ENTPD3: variants seen among roughly 807,000 people sequenced by gnomAD.
The protein encoded by ENTPD3 is ectonucleoside triphosphate diphosphohydrolase 3, also known as CD39 antigen-like 3.
Under a neutral mutation model 51.2 loss-of-function variants are expected in ENTPD3, and 60 were observed. That is an observed-to-expected ratio of 1.17 (90% confidence interval 0.95 to 1.45). ENTPD3 has a LOEUF of 1.45. ENTPD3 is among the 40% of genes most tolerant of loss of function. ENTPD3 has a pLI of 0.00. For synonymous variants in ENTPD3, 221 were observed against 238.4 expected, an observed-to-expected ratio of 0.93 and a Z score of 0.67; for missense variants, 593 against 641.1, an observed-to-expected ratio of 0.93 and a Z score of 0.81.
At chr3:40,422,476 T>A (rs1367715967) in intron 7 of ENTPD3, among the ~76,000 whole-genome samples, 1 of 151,338 alleles carries the variant, frequency 6.6e-6, no homozygotes, top group Non-Finnish European at 1.5e-5. Flanking sequence ...CATTTAGCAT[T>A]AGGTATATCT....
intron 7 of ENTPD3, among the ~76,000 whole-genome samples, chr3:40,417,260 C>T: frequency 6.6e-6 from 1 of 152,144 alleles, no homozygotes; most frequent in Non-Finnish European, 1.5e-5. Context: ...AAAGAAATAC[C>T]TGAAACTGGG....
rs558596432 is a variant in ENTPD3, at chr3:40,402,212, G to C, written c.286+1201G>C. ...TGGCTCACTGCAATCTCTGCCTCCT[G>C]GGTTCAAGCGATTCTCCTGCCTCCA... On this transcript the variant is annotated intron_variant, in intron 4 of 10. Coordinates refer to ENST00000301825, the MANE Select transcript of ENTPD3 (RefSeq NM_001248.4). Among the ~76,000 whole-genome samples, 250 of 140,964 alleles carry C rather than the reference G, an allele frequency of 1.8e-3. 1 individual carries two copies. The highest frequency in any genetic ancestry group is 6.3e-3 in the African/African-American group (241 of 38,308). The allele number at this position is 140,964 out of a possible 152,430, so 92.5% of individuals were successfully genotyped here. A position where few individuals can be genotyped will look rare whatever the true frequency, so the allele number is the denominator to read the frequency against.
In ENTPD3 at chr3:40,427,294, G is replaced by C; in HGVS notation, c.1376G>C (p.Trp459Ser). 2 of 1,614,018 alleles carry C rather than the reference G, an allele frequency of 1.2e-6. No homozygotes were observed. The highest frequency in any genetic ancestry group is 1.7e-6 in the Non-Finnish European group (2 of 1,179,954). ...EKEVGNSSIA[W>S]SLGYMLSLTN... ...CAGGTGGGGAATAGCAGCATAGCCT[G>C]GTCTCTTGGCTACATGCTCAGCCTG... Residue 459 changes from tryptophan (W) to serine (S), a missense_variant, in exon 11 of 11, where the codon TGG becomes TCG. Coordinates refer to ENST00000301825, the MANE Select transcript of ENTPD3 (RefSeq NM_001248.4).
chr3:40,417,134 T>A (rs1575228571), intron 7 of ENTPD3, among the ~76,000 whole-genome samples: 1 of 152,034 alleles, frequency 6.6e-6, no homozygotes, highest in Non-Finnish European at 1.5e-5. Context: ...CCAGGACACA[T>A]GCATGGGACA....
At chr3:40,389,292 C>T (rs2125585552) in intron 2 of ENTPD3, among the ~76,000 whole-genome samples, 1 of 152,290 alleles carries the variant, frequency 6.6e-6, no homozygotes, top group Non-Finnish European at 1.5e-5. Context: ...TCTTTGAAAG[C>T]TAATGCAAAA....
At chr3:40,418,979 T>A (rs1955804425) in intron 7 of ENTPD3, among the ~76,000 whole-genome samples, 3 of 151,968 alleles carry the variant, frequency 2.0e-5, no homozygotes, top group South Asian at 4.1e-4. Flanking sequence ...ATAGAAAGAG[T>A]GTTAAAGTCA....
At chr3:40,409,182 G>T (rs1448641833) in intron 4 of ENTPD3, among the ~76,000 whole-genome samples, 1 of 152,042 alleles carries the variant, frequency 6.6e-6, no homozygotes, top group African/African-American at 2.4e-5. Flanking sequence ...AACCTGGGAG[G>T]CGGAGGCTGT....
rs563668107 is a variant in ENTPD3 at position 40,401,782 on chromosome 3, C to T, written c.286+771C>T. 4.4e-4 allele frequency among the ~76,000 whole-genome samples: 67 copies of T among 152,072 alleles called. 1 individual carries two copies. The highest frequency in any genetic ancestry group is 1.1e-3 in the Admixed American group (17 of 15,280). ...TGTAAAAACTCTCTTAGCTCACAGG[C>T]TGTACAAAAAAAAGGTGGTATACTG... On this transcript the variant is annotated intron_variant, in intron 4 of 10. Coordinates refer to ENST00000301825, the MANE Select transcript of ENTPD3 (RefSeq NM_001248.4).
chr3:40,403,995 G>T (rs1955434602), intron 4 of ENTPD3, among the ~76,000 whole-genome samples: 1 of 152,176 alleles, frequency 6.6e-6, no homozygotes, highest in Non-Finnish European at 1.5e-5. Flanking sequence ...GATGCAGGCA[G>T]CTGTAGCCTT....
intron 2 of ENTPD3, among the ~76,000 whole-genome samples, chr3:40,389,161 C>T (rs769824227): frequency 1.3e-5 from 2 of 152,236 alleles, no homozygotes; most frequent in African/African-American, 4.8e-5. Flanking sequence ...GTCACTCATA[C>T]AGACTAACCT....
chr3:40,387,655 A>T (rs1310975682), intron 1 of ENTPD3, among the ~76,000 whole-genome samples: 1 of 152,158 alleles, frequency 6.6e-6, no homozygotes, highest in Non-Finnish European at 1.5e-5. Context: ...CTCGCGATCC[A>T]TGAACACACA....
At chr3:40,426,069 T>A (rs6807397) in intron 10 of ENTPD3, among the ~76,000 whole-genome samples, 16,927 of 150,634 alleles carry the variant, frequency 0.11, 2,573 homozygotes, top group African/African-American at 0.34. Context: ...TCTCTTCTTG[T>A]CAAAGGAAAC....
intron 3 of ENTPD3, among the ~76,000 whole-genome samples, chr3:40,397,912 C>T (rs1955247773): frequency 6.6e-6 from 1 of 152,186 alleles, no homozygotes; most frequent in South Asian, 2.1e-4. Flanking sequence ...TTACTTACTA[C>T]TTTTTATCCG....
At chr3:40,409,800 C>T (rs1278406122) in intron 4 of ENTPD3, among the ~76,000 whole-genome samples, 2 of 151,846 alleles carry the variant, frequency 1.3e-5, no homozygotes, top group African/African-American at 4.8e-5. Context: ...CAATGGCATG[C>T]AATGCAACTG....
chr3:40,422,920 G>A lies in ENTPD3; in HGVS notation c.902G>A (p.Gly301Asp), dbSNP rs746466272. Residue 301 changes from glycine to aspartate, a missense_variant, in exon 8 of 11, where the codon GGC becomes GAC. Physicochemically the swap from Gly to Asp is moderately conservative, Grantham distance 94. Transcript: ENST00000301825. ...PRDYSISFTMGHVFDSLCTVD... is the reference protein window; with the variant it reads ...PRDYSISFTMDHVFDSLCTVD... ...GATTATAGCATCAGCTTCACCATGG[G>A]CCATGTATTTGATAGCCTGTGCACT... The A allele has an allele frequency of 6.2e-7, 1 of 1,613,828 alleles. No individual in the cohort carries two copies. The highest frequency in any genetic ancestry group is 8.5e-7 in the Non-Finnish European group (1 of 1,179,976).
chr3:40,406,865 A>C (rs1955513875), intron 4 of ENTPD3, among the ~76,000 whole-genome samples: 1 of 152,128 alleles, frequency 6.6e-6, no homozygotes, highest in African/African-American at 2.4e-5. Flanking sequence ...AACAGCCTCC[A>C]CAACAAAGAA....
chr3:40,422,123 C>T (rs1193633322), intron 7 of ENTPD3, among the ~76,000 whole-genome samples: 12 of 135,376 alleles, frequency 8.9e-5, no homozygotes, highest in South Asian at 2.4e-4. Context: ...ATGCCTGGTA[C>T]GAGGTAATTG....
At chr3:40,426,949 C>A (rs1955997235) in intron 10 of ENTPD3, among the ~76,000 whole-genome samples, 1 of 152,158 alleles carries the variant, frequency 6.6e-6, no homozygotes, top group Non-Finnish European at 1.5e-5. Flanking sequence ...CACTCATTAG[C>A]CTCTTTCTCT....
chr3:40,403,311 G>A (rs1955414544), intron 4 of ENTPD3, among the ~76,000 whole-genome samples: 1 of 152,178 alleles, frequency 6.6e-6, no homozygotes, highest in South Asian at 2.1e-4. Flanking sequence ...GTGCAAGGTG[G>A]TTATTAGAGA....
Sources: gnomAD v4.1 joint callset for allele counts (sites outside exome capture counted in the v4.1 genomes callset) on GRCh38, gnomAD v4.1.1 for gene constraint, MANE v1.5 for transcripts, NCBI Gene and HGNC (gene_info 2026-07-23, HGNC 2026-07-21) for gene names.